LRRC49: variants seen among roughly 807,000 people sequenced by gnomAD.
LRRC49 encodes leucine-rich repeat-containing protein 49.
Under a neutral mutation model 83.3 loss-of-function variants are expected in LRRC49, and 50 were observed. The observed-to-expected ratio is 0.60, with a 90% CI of 0.48 to 0.76. The LOEUF (loss-of-function observed/expected upper bound fraction) is 0.76. Ranked by LOEUF, LRRC49 falls within the 30% of genes least tolerant of loss-of-function variation. LRRC49 has a pLI of 0.00. For synonymous variants in LRRC49, 286 were observed against 283.3 expected (o/e 1.01, Z -0.10); for missense variants, 704 against 809.1 (o/e 0.87, Z 1.58).
chr15:70,857,502 G>GA (rs111574256), intron 1 of LRRC49, among the ~76,000 whole-genome samples: 118 of 149,548 alleles, frequency 7.9e-4, no homozygotes, highest in African/African-American at 2.6e-3. Flanking sequence ...CAAATTAAAG[G>GA]AAAAAAAAAG....
At chr15:71,044,426 T>G (rs555666260) in intron 15 of LRRC49, among the ~76,000 whole-genome samples, 32 of 152,334 alleles carry the variant, frequency 2.1e-4, no homozygotes, top group Middle Eastern at 3.4e-3. Flanking sequence ...GGAAAGTTAG[T>G]GCAGGTTGGA....
intron 7 of LRRC49, among the ~76,000 whole-genome samples, chr15:70,920,474 A>C (rs1439632173): frequency 5.3e-5 from 8 of 152,162 alleles, no homozygotes; most frequent in Admixed American, 4.6e-4. Flanking sequence ...TTAACCTGTT[A>C]TGTTGCTAAA....
intron 11 of LRRC49, among the ~76,000 whole-genome samples, chr15:70,984,749 A>T (rs1285813578): frequency 2.0e-5 from 3 of 149,974 alleles, no homozygotes; most frequent in Non-Finnish European, 4.5e-5. Context: ...ATTTAGCATT[A>T]GGTATATCTC....
chr15:70,878,142 C>G (rs1434368434), intron 2 of LRRC49, among the ~76,000 whole-genome samples: 2 of 152,100 alleles, frequency 1.3e-5, no homozygotes, highest in African/African-American at 2.4e-5. Flanking sequence ...GAGTGAGACT[C>G]TGTCTCAAAA....
intron 9 of LRRC49, among the ~76,000 whole-genome samples, chr15:70,975,725 C>T (rs781698804): frequency 1.3e-5 from 2 of 151,836 alleles, no homozygotes; most frequent in Admixed American, 6.6e-5. Flanking sequence ...CAGAAACAAA[C>T]AATGTCTAAA....
chr15:70,984,005 A>AAT, intron 10 of LRRC49, 89 bp from the exon 11 acceptor site: 1 of 911,214 alleles, frequency 1.1e-6, no homozygotes, highest in Admixed American at 2.3e-5. Flanking sequence ...AAAGTATTAT[A>AAT]AGAAGGCACA....
At chr15:71,008,009 AC>A (rs1938785870) in intron 11 of LRRC49, among the ~76,000 whole-genome samples, 1 of 151,728 alleles carries the variant, frequency 6.6e-6, no homozygotes, top group African/African-American at 2.4e-5. Flanking sequence ...TGTAAACTGT[AC>A]TTTTTTCTAG....
chr15:71,030,813 A>G lies in LRRC49; in HGVS notation c.1704-6366A>G, dbSNP rs540305358. Among the ~76,000 whole-genome samples the G allele has an allele frequency of 6.6e-5, 10 of 151,642 alleles. No homozygotes were observed. In the East Asian group the frequency reaches 2.0e-3, roughly 30 times the overall value. On this transcript the variant is annotated intron_variant, in intron 14 of 15. Transcript: ENST00000260382. ...TTTCTTCTGCTTGAAAGATTCAGCT[A>G]TTGATACTTATATATGCTTCATGAA...
At chr15:70,970,970 G>A (rs1289013747) in intron 9 of LRRC49, among the ~76,000 whole-genome samples, 4 of 151,666 alleles carry the variant, frequency 2.6e-5, no homozygotes, top group African/African-American at 7.3e-5. Flanking sequence ...AGGGTCATTC[G>A]TTCTCTATCC....
intron 11 of LRRC49, among the ~76,000 whole-genome samples, chr15:71,000,452 A>G (rs1456035087): frequency 6.6e-6 from 1 of 152,228 alleles, no homozygotes; most frequent in Non-Finnish European, 1.5e-5. Context: ...TTAAGTCTCT[A>G]TAATATAACA....
intron 11 of LRRC49, among the ~76,000 whole-genome samples, chr15:70,999,237 A>C (rs2038177596): frequency 6.6e-6 from 1 of 152,094 alleles, no homozygotes; most frequent in Non-Finnish European, 1.5e-5. Context: ...CTTTGTATGC[A>C]TCATATTTTT....
intron 14 of LRRC49, among the ~76,000 whole-genome samples, chr15:71,015,318 G>T (rs1016945410): frequency 1.3e-5 from 2 of 152,150 alleles, no homozygotes; most frequent in Non-Finnish European, 2.9e-5. Context: ...GACTGGTTTC[G>T]TGACAGACAA....
At position 70,984,210 on chromosome 15, in the gene LRRC49, C is replaced by T. The variant is rs763957943; in HGVS notation, c.1122C>T (p.Pro374=). ...DRKDSDSPQD[P]CQIDGSTLSA... is the part of the protein sequence containing the mutation. ...AAGATTCTGACTCTCCTCAGGACCC[C>T]TGTCAGATTGATGGAAGCACCCTCT... The change falls in exon 11 of 16, where the codon CCC becomes CCT. Residue 374 remains proline, a synonymous_variant. Coordinates refer to ENST00000260382, the MANE Select transcript of LRRC49 (RefSeq NM_017691.5). 1 of 1,613,126 alleles carries T rather than the reference C, an allele frequency of 6.2e-7. No homozygotes were observed. Among genetic ancestry groups the T allele is most frequent in the Admixed American group, 1.7e-5 (1 of 59,932 alleles).
chr15:70,891,865 C>A (rs2033587055), upstream of LRRC49: 3 of 1,602,208 alleles, frequency 1.9e-6, no homozygotes, highest in Non-Finnish European at 2.6e-6. Flanking sequence ...CAGCCTGCTT[C>A]CCAGCTCGGG....
intron 11 of LRRC49, among the ~76,000 whole-genome samples, chr15:70,991,569 G>A (rs1169754740): frequency 1.3e-5 from 2 of 152,116 alleles, no homozygotes; most frequent in Non-Finnish European, 2.9e-5. Context: ...GCAAGTTCAA[G>A]TTTTGCTTTT....
intron 14 of LRRC49, among the ~76,000 whole-genome samples, chr15:71,024,161 G>A (rs979242130): frequency 5.9e-5 from 9 of 152,226 alleles, no homozygotes; most frequent in African/African-American, 1.9e-4. Flanking sequence ...CAGATCAGCC[G>A]ATTTAGTCTT....
At chr15:70,859,076 A>C in intron 1 of LRRC49, 1 of 1,518,124 alleles carries the variant, frequency 6.6e-7, no homozygotes, top group Middle Eastern at 1.7e-4. Context: ...GCTGGAGACC[A>C]AGTGGAGCCT....
At chr15:70,871,654 G>A (rs1158346643) in intron 1 of LRRC49, among the ~76,000 whole-genome samples, 2 of 151,964 alleles carry the variant, frequency 1.3e-5, no homozygotes, top group Non-Finnish European at 2.9e-5. Context: ...CGGCTGCTGG[G>A]CGGAGGGGCT....
intron 8 of LRRC49, among the ~76,000 whole-genome samples, chr15:70,948,866 A>T (rs1308768282): frequency 6.6e-6 from 1 of 152,128 alleles, no homozygotes. Context: ...GTATGTGTGT[A>T]TGTGTGTATT....
Sources: allele counts gnomAD v4.1 joint callset (sites outside exome capture counted in the v4.1 genomes callset), GRCh38; gene constraint gnomAD v4.1.1; transcripts MANE v1.5; gene names NCBI Gene and HGNC (gene_info 2026-07-23, HGNC 2026-07-21).